The following RNF213 variants were observed in gnomAD, a reference collection of about 807,000 sequenced individuals.
RNF213 encodes the protein E3 ubiquitin-protein ligase RNF213.
Under a neutral mutation model 514.4 loss-of-function variants are expected in RNF213, and 341 were observed. The observed-to-expected ratio is 0.66, with a 90% CI of 0.61 to 0.73. The LOEUF (loss-of-function observed/expected upper bound fraction) is 0.73. Ranked by LOEUF, RNF213 falls within the 30% of genes least tolerant of loss-of-function variation. RNF213 has a pLI of 0.00. For missense variants in RNF213, 5,767 were observed against 6,615.6 expected (o/e 0.87, Z 4.45); for synonymous variants, 2,655 against 2,658.2 (o/e 1.00, Z 0.04).
rs1377098185 is a variant in RNF213, at chr17:80,398,710, T to C, written c.*5212T>C. On this transcript the variant is annotated 3_prime_UTR_variant, in exon 68 of 68. Coordinates refer to ENST00000582970, the MANE Select transcript of RNF213 (RefSeq NM_001256071.3). ...GAGGAAGAGACAGACAAAGAGGGAG[T>C]CAGAGAGAGAGAGAGAAAGAGACAG... The C allele has an allele frequency of 7.5e-6, 1 of 132,802 alleles. No individual in the cohort carries two copies. The highest frequency in any genetic ancestry group is 1.6e-5 in the Non-Finnish European group (1 of 63,266). 8.2% of individuals were successfully genotyped at this position (132,802 alleles called of 1,614,324 possible). A position where few individuals can be genotyped will look rare whatever the true frequency, so the allele number is the denominator to read the frequency against.
chr17:80,386,641 G>A (rs1282825923), intron 62 of RNF213, 49 bp from the exon 63 acceptor site: 1 of 1,592,484 alleles, frequency 6.3e-7, no homozygotes, highest in Admixed American at 1.7e-5. Context: ...TAGAGCCCTA[G>A]GCCCGCATGC....
In RNF213 at chr17:80,347,466, T is replaced by G; in HGVS notation, c.9131T>G (p.Val3044Gly). 1 of 1,614,090 alleles carries G rather than the reference T, an allele frequency of 6.2e-7. No homozygotes were observed. The highest frequency in any genetic ancestry group is 8.5e-7 in the Non-Finnish European group (1 of 1,180,044). ...QEDAESRYLL[V>G]LTKNYVALQI... is the part of the protein sequence containing the mutation. ...GATGCTGAGTCCCGCTACTTACTCGTGCTGACCAAAAACTACGTGGCACTG... is the reference window on the plus strand; with the variant it reads ...GATGCTGAGTCCCGCTACTTACTCGGGCTGACCAAAAACTACGTGGCACTG... The change falls in exon 29 of 68, where the codon GTG becomes GGG. Residue 3044 changes from valine to glycine, a missense_variant. Physicochemically the swap from Val to Gly is moderately radical, Grantham distance 109. Coordinates refer to ENST00000582970, the MANE Select transcript of RNF213 (RefSeq NM_001256071.3). The surrounding 1 kb of genome is among the most constrained non-coding windows in gnomAD (Gnocchi z 7.2).
chr17:80,375,967 T>C (rs1409770513), intron 51 of RNF213, 97 bp downstream of exon 51: 2 of 992,516 alleles, frequency 2.0e-6, no homozygotes, highest in African/African-American at 3.2e-5. Context: ...ATACCATAAT[T>C]TTTTTATCTA....
intron 2 of RNF213, 115 bp from the exon 3 acceptor site, chr17:80,273,126 C>T: frequency 7.0e-7 from 1 of 1,418,490 alleles, no homozygotes; most frequent in East Asian, 2.3e-5. Flanking sequence ...AATGCAGGAC[C>T]TCGGAGGGAG....
intron 11 of RNF213, among the ~76,000 whole-genome samples, chr17:80,305,052 A>G (rs1324054639): frequency 1.3e-5 from 2 of 151,976 alleles, no homozygotes; most frequent in Non-Finnish European, 2.9e-5. Flanking sequence ...TTATTTATTT[A>G]TTTGTAGAGA....
At chr17:80,295,944 C>CAGTGAGTGGTAAAA in intron 10 of RNF213, 131 bp downstream of exon 10, 1 of 966,016 alleles carries the variant, frequency 1.0e-6, no homozygotes, top group Non-Finnish European at 1.6e-6. Context: ...GATTTTACCA[C>CAGTGAGTGGTAAAA]TCACTGTGGT....
At chr17:80,285,152 A>G (rs2044426808) in intron 3 of RNF213, among the ~76,000 whole-genome samples, 1 of 152,216 alleles carries the variant, frequency 6.6e-6, no homozygotes, top group African/African-American at 2.4e-5. Flanking sequence ...TGTACCAGGC[A>G]GTGTCCTACA....
chr17:80,363,217 G>A lies in RNF213; in HGVS notation c.11471G>A (p.Arg3824His), dbSNP rs776564088. ...VHLAYQRFRSRLQNFSRILTI... is the reference protein window; with the variant it reads ...VHLAYQRFRSHLQNFSRILTI... ...CTTGCCTACCAGCGTTTCAGAAGCC[G>A]TCTGCAGAACTTTTCCAGAATCCTG... Residue 3824 changes from arginine (R) to histidine (H), a missense_variant, in exon 40 of 68, where the codon CGT becomes CAT. By Grantham distance (29) the Arg-to-His change is conservative. Around this residue, in one of 13 missense-constraint regions of RNF213, gnomAD observed 355 missense variants for 358.0 expected, o/e 0.99. Transcript: ENST00000582970. 1.6e-5 allele frequency: 26 copies of A among 1,614,202 alleles called. No homozygotes were observed. The highest frequency in any genetic ancestry group is 6.7e-5 in the Admixed American group (4 of 60,030).
chr17:80,330,961 G>T (rs2046397947), intron 20 of RNF213, among the ~76,000 whole-genome samples: 1 of 152,148 alleles, frequency 6.6e-6, no homozygotes, highest in Non-Finnish European at 1.5e-5. Context: ...GAGATTACAG[G>T]TGTCCACCAC....
rs746055990 is a variant in RNF213, at chr17:80,317,300, CT to C, written c.2901+27del. ...AAGGTACCAAAAGTTTGGGGGCAGTCTTTTCAGGGCGTGAAGGCAAGCTGGA... is the reference window on the plus strand; with the variant it reads ...AAGGTACCAAAAGTTTGGGGGCAGTCTTTCAGGGCGTGAAGGCAAGCTGGA... On this transcript the variant is annotated intron_variant, in intron 16 of 67. Transcript: ENST00000582970. The surrounding 1 kb of genome is among the most constrained non-coding windows in gnomAD (Gnocchi z 4.1). The C allele has an allele frequency of 6.2e-7, 1 of 1,605,320 alleles. No individual in the cohort carries two copies. The highest frequency in any genetic ancestry group is 8.5e-7 in the Non-Finnish European group (1 of 1,176,048).
chr17:80,304,559 G>A (rs1475157366), intron 11 of RNF213, among the ~76,000 whole-genome samples: 2 of 151,878 alleles, frequency 1.3e-5, no homozygotes, highest in Admixed American at 1.3e-4. Flanking sequence ...AGAATGGCGT[G>A]AGCCTGGTAG....
Position 80,348,240 on chromosome 17 carries a change from C to T in RNF213, c.9905C>T (p.Ala3302Val). Reference protein sequence around the residue: ...RHNSFADFLQAHLHTADLERH... With the variant: ...RHNSFADFLQVHLHTADLERH... ...AACTCCTTTGCAGATTTCCTTCAGG[C>T]ACACCTGCACACGGCAGACCTGGAG... The change falls in exon 29 of 68, where the codon GCA (alanine) becomes GTA (valine). Residue 3302 changes from alanine to valine, a missense_variant. Transcript: ENST00000582970. 1.2e-6 allele frequency: 2 copies of T among 1,614,026 alleles called. No homozygotes were observed. The highest frequency in any genetic ancestry group is 2.2e-5 in the South Asian group (2 of 91,092).
chr17:80,392,507 G>A (rs2080514879), intron 67 of RNF213, among the ~76,000 whole-genome samples: 1 of 152,188 alleles, frequency 6.6e-6, no homozygotes, highest in Admixed American at 6.5e-5. Flanking sequence ...ACTGCATGTG[G>A]GAAGCAGCAG....
At position 80,327,991 on chromosome 17, in the gene RNF213, T is replaced by A; in HGVS notation, c.3367+2T>A. 1 of 1,537,256 alleles carries A rather than the reference T, an allele frequency of 6.5e-7. No individual in the cohort carries two copies. The highest frequency in any genetic ancestry group is 8.7e-7 in the Non-Finnish European group (1 of 1,146,898). On this transcript the variant is annotated splice_donor_variant, in intron 19 of 67. Coordinates refer to ENST00000582970, the MANE Select transcript of RNF213 (RefSeq NM_001256071.3). LOFTEE classifies it high-confidence loss of function. The stretch of plus-strand genomic sequence containing the variant: ...AGTTTCTTGACATCTGGCAACTGAG[T>A]AAGCATCGAGTCGATACGCACTTCA...
chr17:80,292,338 G>C (rs1319062804), intron 8 of RNF213, among the ~76,000 whole-genome samples: 1 of 152,124 alleles, frequency 6.6e-6, no homozygotes, highest in Non-Finnish European at 1.5e-5. Flanking sequence ...GAAGTGTTGG[G>C]ATTACAGGTG....
intron 63 of RNF213, among the ~76,000 whole-genome samples, chr17:80,387,249 G>A (rs984717897): frequency 5.9e-5 from 9 of 152,248 alleles, no homozygotes; most frequent in Non-Finnish European, 1.3e-4. Flanking sequence ...GAGATCACAA[G>A]TGTGCACCAC....
At position 80,336,168 on chromosome 17, in the gene RNF213, T is replaced by A. The variant is rs927575887; in HGVS notation, c.4317T>A (p.Asn1439Lys). ...CCCTCTTCTCTTCCCCAGGCATCAA[T>A]GAGCTGAAGGTGTTTGTGGACCTGG... ...CWVREALGGI[N>K]ELKVFVDLAS... The change falls in exon 23 of 68, where the codon AAT (asparagine) becomes AAA (lysine). Residue 1439 changes from asparagine to lysine, a missense_variant. Around this residue, in one of 13 missense-constraint regions of RNF213, gnomAD observed 516 missense variants for 566.5 expected, o/e 0.91. Coordinates refer to ENST00000582970, the MANE Select transcript of RNF213 (RefSeq NM_001256071.3). 3 of 1,537,106 alleles carry A rather than the reference T, an allele frequency of 2.0e-6. No homozygotes were observed. The highest frequency in any genetic ancestry group is 2.6e-6 in the Non-Finnish European group (3 of 1,146,790).
chr17:80,280,144 G>A (rs574818333), intron 3 of RNF213, among the ~76,000 whole-genome samples: 1 of 152,268 alleles, frequency 6.6e-6, no homozygotes, highest in Admixed American at 6.5e-5. Context: ...CCTGGGAAAT[G>A]CAGGCAGCGT....
At chr17:80,274,903 GGT>G (rs1340957426) in intron 3 of RNF213, among the ~76,000 whole-genome samples, 1 of 57,798 alleles carries the variant, frequency 1.7e-5, no homozygotes, top group Non-Finnish European at 3.6e-5. Flanking sequence ...GTGTGTTGGG[GGT>G]GTGTGAGTGG....
Sources: allele counts gnomAD v4.1 joint callset (sites outside exome capture counted in the v4.1 genomes callset), GRCh38; gene constraint gnomAD v4.1.1; regional missense constraint gnomAD v4.1.1; non-coding constraint Gnocchi (gnomAD v3.1); transcripts MANE v1.5; gene names NCBI Gene and HGNC (gene_info 2026-07-23, HGNC 2026-07-21).